TARS2: variants seen among roughly 807,000 people sequenced by gnomAD.
The protein encoded by TARS2 is threonyl-tRNA synthetase 2, mitochondrial, also known as threonine--tRNA ligase, mitochondrial.
Under a neutral mutation model 94.4 loss-of-function variants are expected in TARS2, and 61 were observed. The observed-to-expected ratio is 0.65, with a 90% CI of 0.53 to 0.80. The LOEUF (loss-of-function observed/expected upper bound fraction) is 0.80. Among genes scored for constraint, TARS2 ranks in the 30% least tolerant of loss-of-function variants. The probability of loss-of-function intolerance (pLI) is 0.00; values close to 1 mark genes in which losing one functional copy is unlikely to be tolerated. For missense variants in TARS2, 704 were observed against 902.5 expected (o/e 0.78, Z 2.82); for synonymous variants, 359 against 353.4 (o/e 1.02, Z -0.18).
chr1:150,497,927 A>G (rs890930733), intron 10 of TARS2, among the ~76,000 whole-genome samples, 180 bp downstream of exon 10: 2 of 152,120 alleles, frequency 1.3e-5, no homozygotes, highest in African/African-American at 4.8e-5. Flanking sequence ...CCCTGTCTCT[A>G]CTAAAAATAC....
chr1:150,499,120 G>A lies in TARS2; in HGVS notation c.1539+86G>A, dbSNP rs369900255. On this transcript the variant is annotated intron_variant, in intron 12 of 17. Transcript: ENST00000369064. ...AATACAGTAATCAAGGTTCTCAGAG[G>A]CATCTGGTGAGTGGGTCATTTGTTG... 139 of 1,610,522 alleles carry A rather than the reference G, an allele frequency of 8.6e-5. 1 individual carries two copies. The East Asian group carries it at 2.8e-3, about 32-fold the overall frequency.
intron 7 of TARS2, 26 bp from the exon 8 acceptor site, chr1:150,496,456 C>A: frequency 6.3e-7 from 1 of 1,575,832 alleles, no homozygotes; most frequent in Middle Eastern, 1.7e-4. Context: ...CTCATCTTTC[C>A]TTTGATCCCC....
Position 150,504,751 on chromosome 1 carries a change from GA to G in TARS2, c.1820+19del. ...GGGAAATGGTGAGACCTCTGACCTG[GA>G]TTTCTGTTCTGGCCCCAAACCGGAT... On this transcript the variant is annotated intron_variant, in intron 15 of 17. Transcript: ENST00000369064. 6.2e-7 allele frequency: 1 copy of G among 1,613,992 alleles called. No individual in the cohort carries two copies. Among genetic ancestry groups the G allele is most frequent in the South Asian group, 1.1e-5 (1 of 91,066 alleles).
chr1:150,491,903 T>G, intron 6 of TARS2: 2 of 446,410 alleles, frequency 4.5e-6, no homozygotes, highest in South Asian at 2.3e-5. Context: ...CAAGTGATTC[T>G]CCTGCCTTAG....
At position 150,506,948 on chromosome 1, in the gene TARS2, G is replaced by C; in HGVS notation, c.2041G>C (p.Val681Leu). ...CCAGAAAGAGCAAAGTAAGAGAACA[G>C]TGAACATTCGGACTCGAGATAATCG... ...VGQKEQSKRT[V>L]NIRTRDNRRL... The change falls in exon 18 of 18, where the codon GTG (valine) becomes CTG (leucine). Residue 681 changes from valine to leucine, a missense_variant. Coordinates refer to ENST00000369064, the MANE Select transcript of TARS2 (RefSeq NM_025150.5). 1 of 1,614,162 alleles carries C rather than the reference G, an allele frequency of 6.2e-7. No homozygotes were observed. Among genetic ancestry groups the C allele is most frequent in the Non-Finnish European group, 8.5e-7 (1 of 1,180,030 alleles).
chr1:150,491,914 C>G (rs1335761918), intron 6 of TARS2: 10 of 443,486 alleles, frequency 2.3e-5, no homozygotes, highest in Non-Finnish European at 4.1e-5. Flanking sequence ...CCTGCCTTAG[C>G]CTCCAGAGTG....
chr1:150,503,996 A>G (rs1670084477), intron 13 of TARS2, among the ~76,000 whole-genome samples: 1 of 151,996 alleles, frequency 6.6e-6, no homozygotes. Flanking sequence ...TCAGAGGTAC[A>G]GCCATTGGGG....
At chr1:150,506,495 CA>C (rs1670219521) in intron 17 of TARS2, among the ~76,000 whole-genome samples, 1 of 145,790 alleles carries the variant, frequency 6.9e-6, no homozygotes, top group Non-Finnish European at 1.5e-5. Flanking sequence ...CGCACACACA[CA>C]CACACACACA....
At chr1:150,495,715 T>C (rs1355392681) in intron 7 of TARS2, among the ~76,000 whole-genome samples, 4 of 135,628 alleles carry the variant, frequency 2.9e-5, no homozygotes, top group African/African-American at 5.6e-5. Context: ...CTTTTTTGTT[T>C]GTTTGTTTGT....
Position 150,498,675 on chromosome 1 carries a change from C to G in TARS2, c.1401+11C>G. On this transcript the variant is annotated intron_variant, in intron 11 of 17. Coordinates refer to ENST00000369064, the MANE Select transcript of TARS2 (RefSeq NM_025150.5). ...TGTACAACAGATCAGGTGGCCTTTCCCTGGCTCCACCAAAGCTTTTCTAAA... is the reference window on the plus strand; with the variant it reads ...TGTACAACAGATCAGGTGGCCTTTCGCTGGCTCCACCAAAGCTTTTCTAAA... The G allele has an allele frequency of 1.2e-6, 2 of 1,613,264 alleles. No homozygotes were observed. Among genetic ancestry groups the G allele is most frequent in the Non-Finnish European group, 1.7e-6 (2 of 1,179,794 alleles).
Position 150,498,542 on chromosome 1 carries a change from C to G in TARS2, c.1279C>G (p.Pro427Ala). 2 of 1,602,558 alleles carry G rather than the reference C, an allele frequency of 1.2e-6. No homozygotes were observed. The highest frequency in any genetic ancestry group is 1.7e-6 in the Non-Finnish European group (2 of 1,176,230). Reference protein sequence around the residue: ...AHRPRSWRELPLRLADFGALH... With the variant: ...AHRPRSWRELALRLADFGALH... ...CCGGCCCAGATCCTGGCGGGAACTG[C>G]CCCTGCGACTAGCTGACTTTGGGGC... The change falls in exon 11 of 18, where the codon CCC becomes GCC. Residue 427 changes from proline (P) to alanine (A), a missense_variant. Coordinates refer to ENST00000369064, the MANE Select transcript of TARS2 (RefSeq NM_025150.5).
At chr1:150,495,674 G>A (rs1221086184) in intron 7 of TARS2, among the ~76,000 whole-genome samples, 2 of 151,502 alleles carry the variant, frequency 1.3e-5, no homozygotes, top group African/African-American at 4.8e-5. Context: ...GATTACAGGT[G>A]TGAGCCACTG....
chr1:150,502,002 T>C (rs138196822), intron 13 of TARS2, among the ~76,000 whole-genome samples: 2,625 of 152,220 alleles, frequency 0.017, 75 homozygotes, highest in African/African-American at 0.057. Context: ...AACCTCTGCC[T>C]GCCAGGTTCA....
rs750302051 is a variant in TARS2, at chr1:150,492,809, C to CAAAAAA, written c.774+334_774+339dup. On this transcript the variant is annotated intron_variant, in intron 7 of 17. Transcript: ENST00000369064. Reference sequence around the variant, plus strand: ...TGGGCAACAGAGCGAGAGTCCATCTCAAAAAAAAAAAAAAAAAAATTCCTG... The same window carrying CAAAAAA: ...TGGGCAACAGAGCGAGAGTCCATCTCAAAAAAAAAAAAAAAAAAAAAAAAATTCCTG... 4.5e-4 allele frequency among the ~76,000 whole-genome samples: 30 copies of CAAAAAA among 67,276 alleles called. 1 individual carries two copies. Among genetic ancestry groups the CAAAAAA allele is most frequent in the Non-Finnish European group, 5.6e-4 (19 of 33,780 alleles). The allele number at this position is 67,276 out of a possible 152,430, so 44.1% of individuals were successfully genotyped here.
rs1055102745 is a variant in TARS2, at chr1:150,488,889, C to A, written c.264-75C>A. ...ACTTTTTAAACTCTCATATAGGAAT[C>A]AGAACATGTGATATTTTCCTTTTTG... On this transcript the variant is annotated intron_variant, in intron 2 of 17. Coordinates refer to ENST00000369064, the MANE Select transcript of TARS2 (RefSeq NM_025150.5). The A allele has an allele frequency of 1.5e-5, 24 of 1,553,972 alleles. No individual in the cohort carries two copies. The Admixed American group carries it at 4.6e-4, about 30-fold the overall frequency.
chr1:150,496,433 G>C lies in TARS2; in HGVS notation c.775-49G>C, dbSNP rs377133912. The C allele has an allele frequency of 3.8e-5, 59 of 1,544,494 alleles. 1 individual carries two copies. In the African/African-American group the frequency reaches 7.7e-4, roughly 20 times the overall value. ...TATCATTTGAGTCTTGAAAAAGGTG[G>C]GGGCCTTCAGTCCTCATCTTTCCTT... On this transcript the variant is annotated intron_variant, in intron 7 of 17. Coordinates refer to ENST00000369064, the MANE Select transcript of TARS2 (RefSeq NM_025150.5).
chr1:150,492,249 C>T lies in TARS2; in HGVS notation c.696-162C>T, dbSNP rs587660472. The T allele has an allele frequency of 1.6e-4, 107 of 675,186 alleles. 1 individual carries two copies. The highest frequency in any genetic ancestry group is 1.6e-3 in the African/African-American group (86 of 54,540). The allele number at this position is 675,186 out of a possible 1,614,324, so 41.8% of individuals were successfully genotyped here. A position where few individuals can be genotyped will look rare whatever the true frequency, so the allele number is the denominator to read the frequency against. Reference sequence around the variant, plus strand: ...AAAGTTCTGGGATTATAGACATGAGCCACCGCGCCCTGCCAGGGAATTGAT... The same window carrying T: ...AAAGTTCTGGGATTATAGACATGAGTCACCGCGCCCTGCCAGGGAATTGAT... On this transcript the variant is annotated intron_variant, in intron 6 of 17. Transcript: ENST00000369064.
intron 1 of TARS2, 128 bp downstream of exon 1, chr1:150,487,644 A>G (rs1419844473): frequency 2.2e-6 from 3 of 1,354,610 alleles, no homozygotes; most frequent in Non-Finnish European, 3.1e-6. Flanking sequence ...CCAGAAAAGG[A>G]CTCGTATCTA....
intron 7 of TARS2, 108 bp downstream of exon 7, chr1:150,492,597 G>C: frequency 8.3e-7 from 1 of 1,205,306 alleles, no homozygotes; most frequent in Non-Finnish European, 1.2e-6. Context: ...GGATCATAAA[G>C]TCAGGAGTTT....
Sources: gnomAD v4.1 joint callset for allele counts (sites outside exome capture counted in the v4.1 genomes callset) on GRCh38, gnomAD v4.1.1 for gene constraint, MANE v1.5 for transcripts, NCBI Gene and HGNC (gene_info 2026-07-23, HGNC 2026-07-21) for gene names.